ZNF385B: variants seen among roughly 807,000 people sequenced by gnomAD.
ZNF385B encodes the protein zinc finger protein 385B, also known as zinc finger protein 533.
Under a neutral mutation model 39.2 loss-of-function variants are expected in ZNF385B, and 23 were observed. The ratio of observed to expected loss-of-function variants is 0.59; its 90% CI spans 0.42 to 0.83. The LOEUF is 0.83. Among genes scored for constraint, ZNF385B ranks in the 40% least tolerant of loss-of-function variants. ZNF385B has a pLI of 0.00. For missense variants in ZNF385B, 552 were observed against 598.9 expected, an observed-to-expected ratio of 0.92 and a Z score of 0.82; for synonymous variants, 205 against 222.6, an observed-to-expected ratio of 0.92 and a Z score of 0.70.
intron 1 of ZNF385B, among the ~76,000 whole-genome samples, chr2:179,837,670 C>A (rs1335738174): frequency 2.6e-5 from 4 of 152,160 alleles, no homozygotes. Flanking sequence ...TTCGAGTTTA[C>A]GCATTTTATA....
intron 3 of ZNF385B, among the ~76,000 whole-genome samples, chr2:179,655,388 T>C (rs1207257681): frequency 1.3e-5 from 2 of 152,154 alleles, no homozygotes; most frequent in African/African-American, 4.8e-5. Context: ...GTTGCTCATT[T>C]ATGCTATTTT....
intron 3 of ZNF385B, among the ~76,000 whole-genome samples, chr2:179,698,354 T>G (rs1001454008): frequency 6.6e-6 from 1 of 152,170 alleles, no homozygotes; most frequent in Non-Finnish European, 1.5e-5. Context: ...ATCACAAAGG[T>G]TTTAAATTGG....
chr2:179,686,087 TA>T (rs1322740595), intron 3 of ZNF385B, among the ~76,000 whole-genome samples: 2 of 152,194 alleles, frequency 1.3e-5, no homozygotes, highest in Admixed American at 6.5e-5. Flanking sequence ...TCAAGGGTCA[TA>T]AAAAAACCTT....
At chr2:179,623,204 C>T (rs1044142577) in intron 3 of ZNF385B, among the ~76,000 whole-genome samples, 4 of 151,772 alleles carry the variant, frequency 2.6e-5, no homozygotes, top group Non-Finnish European at 4.4e-5. Context: ...GAGAATTTAG[C>T]TCCAAAAATC....
intron 3 of ZNF385B, among the ~76,000 whole-genome samples, chr2:179,686,928 T>A (rs1697966875): frequency 6.6e-6 from 1 of 151,138 alleles, no homozygotes; most frequent in African/African-American, 2.4e-5. Flanking sequence ...GTCAATTCTC[T>A]CGAGGTAACT....
chr2:179,569,729 C>G (rs1157523631), intron 3 of ZNF385B, among the ~76,000 whole-genome samples: 1 of 152,186 alleles, frequency 6.6e-6, no homozygotes, highest in African/African-American at 2.4e-5. Flanking sequence ...TTGGGTCAAG[C>G]TGTTTATGAA....
At chr2:179,444,781 C>T (rs1001772364) in intron 9 of ZNF385B, 95 bp downstream of exon 9, 2 of 1,044,128 alleles carry the variant, frequency 1.9e-6, no homozygotes, top group East Asian at 2.4e-5. Flanking sequence ...TGAAACCTTT[C>T]ATGACATTAG....
intron 3 of ZNF385B, among the ~76,000 whole-genome samples, chr2:179,581,261 T>A (rs1397353714): frequency 6.6e-6 from 1 of 152,222 alleles, no homozygotes; most frequent in Non-Finnish European, 1.5e-5. Flanking sequence ...TTTCCTTTTT[T>A]ACCAAGCATG....
chr2:179,561,886 C>A (rs755093854), intron 3 of ZNF385B, among the ~76,000 whole-genome samples: 50 of 152,102 alleles, frequency 3.3e-4, no homozygotes, highest in Non-Finnish European at 1.0e-4. Context: ...GAAATGGTGC[C>A]TATCATAAAA....
chr2:179,781,130 G>A (rs868155105), intron 1 of ZNF385B, among the ~76,000 whole-genome samples: 1 of 152,082 alleles, frequency 6.6e-6, no homozygotes, highest in South Asian at 2.1e-4. Context: ...TTACTTTTTG[G>A]AAACTGACAA....
At chr2:179,709,379 C>A (rs1369953044) in intron 3 of ZNF385B, among the ~76,000 whole-genome samples, 1 of 152,200 alleles carries the variant, frequency 6.6e-6, no homozygotes, top group East Asian at 1.9e-4. Context: ...CACCAGGTGG[C>A]CACTGCAATA....
At chr2:179,842,936 C>T (rs1159505863) in intron 1 of ZNF385B, among the ~76,000 whole-genome samples, 1 of 152,156 alleles carries the variant, frequency 6.6e-6, no homozygotes, top group African/African-American at 2.4e-5. Flanking sequence ...GTGGAGGGAG[C>T]CTGCCTCAGG....
intron 3 of ZNF385B, among the ~76,000 whole-genome samples, chr2:179,690,417 A>G (rs188396646): frequency 1.1e-4 from 17 of 152,312 alleles, no homozygotes. Flanking sequence ...CAGAACTTGT[A>G]TATAAGGAAA....
chr2:179,656,819 G>C (rs2106263318), intron 3 of ZNF385B, among the ~76,000 whole-genome samples: 1 of 152,070 alleles, frequency 6.6e-6, no homozygotes, highest in African/African-American at 2.4e-5. Flanking sequence ...TTGCTCCTTA[G>C]AATAATTTTT....
intron 4 of ZNF385B, among the ~76,000 whole-genome samples, chr2:179,521,822 C>T (rs757689925): frequency 2.0e-4 from 30 of 152,156 alleles, no homozygotes; most frequent in Admixed American, 6.5e-5. Flanking sequence ...CCTTTTCATC[C>T]TTTGGATAAC....
chr2:179,674,688 C>A (rs1321460298), intron 3 of ZNF385B, among the ~76,000 whole-genome samples: 10 of 152,188 alleles, frequency 6.6e-5, no homozygotes, highest in Admixed American at 6.5e-4. Context: ...TTGAAGATTT[C>A]TTCTTTTCCT....
At position 179,625,355 on chromosome 2, in the gene ZNF385B, A is replaced by AT. The variant is rs574458921; in HGVS notation, c.299-80387dup. Among the ~76,000 whole-genome samples, 80 of 151,902 alleles carry AT rather than the reference A, an allele frequency of 5.3e-4. 2 individuals are homozygous for AT. The South Asian group carries it at 0.015, about 28-fold the overall frequency. On this transcript the variant is annotated intron_variant, in intron 3 of 9. Coordinates refer to ENST00000410066, the MANE Select transcript of ZNF385B (RefSeq NM_152520.6). The stretch of plus-strand genomic sequence containing the variant: ...AATAACTTAGAGCCTGATTATTTAT[A>AT]TTTTTTTCCTCTAGCCTTACTTATT...
chr2:179,724,163 A>AC, intron 3 of ZNF385B, among the ~76,000 whole-genome samples: 1 of 151,994 alleles, frequency 6.6e-6, no homozygotes, highest in South Asian at 2.1e-4. Context: ...ACAAAAATTC[A>AC]CCGGGCATGG....
At chr2:179,682,526 C>T (rs1697596534) in intron 3 of ZNF385B, among the ~76,000 whole-genome samples, 2 of 152,196 alleles carry the variant, frequency 1.3e-5, no homozygotes, top group Admixed American at 1.3e-4. Flanking sequence ...CTTTTGCCTT[C>T]TCACTGTGGT....
Sources: allele counts gnomAD v4.1 joint callset (sites outside exome capture counted in the v4.1 genomes callset), GRCh38; gene constraint gnomAD v4.1.1; transcripts MANE v1.5; gene names NCBI Gene and HGNC (gene_info 2026-07-23, HGNC 2026-07-21).